The following ZNF141 variants were observed in gnomAD, a reference collection of about 807,000 sequenced individuals.
The protein encoded by ZNF141 is zinc finger protein 141, also known as zinc finger protein 141 (clone pHZ-44).
A neutral mutation model predicts 11.3 loss-of-function variants in ZNF141; 7 were observed. That is an observed-to-expected ratio of 0.62 (90% CI 0.35 to 1.16). The LOEUF (loss-of-function observed/expected upper bound fraction) is 1.16. Among genes scored for constraint, ZNF141 ranks in the 50% most tolerant of loss-of-function variants. The pLI is 0.02. For missense variants in ZNF141, 535 were observed against 554.0 expected (o/e 0.97, Z 0.34); for synonymous variants, 183 against 190.7 (o/e 0.96, Z 0.33).
chr4:343,598 A>G (rs958723656), intron 1 of ZNF141, among the ~76,000 whole-genome samples, 184 bp from the exon 2 acceptor site: 2 of 151,878 alleles, frequency 1.3e-5, no homozygotes, highest in African/African-American at 2.4e-5. Flanking sequence ...GGTGGCGGGC[A>G]CATGTAGTCC....
chr4:374,286 T>C lies in ZNF141; in HGVS notation c.*424T>C, dbSNP rs1712251035. 6.6e-6 allele frequency: 2 copies of C among 302,704 alleles called. No homozygotes were observed. Among genetic ancestry groups the C allele is most frequent in the Non-Finnish European group, 1.3e-5 (2 of 152,050 alleles). 18.8% of individuals were successfully genotyped at this position (302,704 alleles called of 1,614,324 possible). A position where few individuals can be genotyped will look rare whatever the true frequency, so the allele number is the denominator to read the frequency against. Reference sequence around the variant, plus strand: ...AATATAATTCATGCTGGAGAGAAACTTCACATGTGAACCGTGTGGCAAAGC... The same window carrying C: ...AATATAATTCATGCTGGAGAGAAACCTCACATGTGAACCGTGTGGCAAAGC... On this transcript the variant is annotated 3_prime_UTR_variant, in exon 4 of 4. Transcript: ENST00000240499.
chr4:341,124 G>A (rs1721029369), intron 1 of ZNF141, among the ~76,000 whole-genome samples: 1 of 151,382 alleles, frequency 6.6e-6, no homozygotes, highest in Non-Finnish European at 1.5e-5. Flanking sequence ...CTGGGGTGCA[G>A]TGGTGCGATC....
rs1473624023 is a variant in ZNF141 at position 376,868 on chromosome 4, G to A, written c.*3006G>A. 2.0e-5 allele frequency among the ~76,000 whole-genome samples: 3 copies of A among 151,988 alleles called. No individual in the cohort carries two copies. Among genetic ancestry groups the A allele is most frequent in the Non-Finnish European group, 4.4e-5 (3 of 67,932 alleles). The stretch of plus-strand genomic sequence containing the variant: ...TGACTCTAGAATCTAATGGATTGTC[G>A]TTGAGAATCTCCCCATACAAACTCC... On this transcript the variant is annotated 3_prime_UTR_variant, in exon 4 of 4. Transcript: ENST00000240499.
At chr4:369,304 A>G (rs782531281) in intron 3 of ZNF141, among the ~76,000 whole-genome samples, 32 of 152,126 alleles carry the variant, frequency 2.1e-4, no homozygotes, top group Non-Finnish European at 4.1e-4. Flanking sequence ...ATTTTATGAA[A>G]TAGAGTTTTT....
intron 3 of ZNF141, among the ~76,000 whole-genome samples, chr4:350,519 T>G (rs1721546186): frequency 6.6e-6 from 1 of 152,228 alleles, no homozygotes; most frequent in South Asian, 2.1e-4. Flanking sequence ...TTTCATTCAT[T>G]GAAGGATGTT....
Position 374,859 on chromosome 4 carries a change from G to C in ZNF141, c.*997G>C, listed in dbSNP as rs868993893. ...TTCACACTGAAGAGAAACTGCAAACGTGGAAAGTGTGACAAAGCTTGCAAC... is the reference window on the plus strand; with the variant it reads ...TTCACACTGAAGAGAAACTGCAAACCTGGAAAGTGTGACAAAGCTTGCAAC... On this transcript the variant is annotated 3_prime_UTR_variant, in exon 4 of 4. Coordinates refer to ENST00000240499, the MANE Select transcript of ZNF141 (RefSeq NM_003441.4). 2 of 152,448 alleles carry C rather than the reference G, an allele frequency of 1.3e-5. No individual in the cohort carries two copies. The highest frequency in any genetic ancestry group is 4.1e-4 in the South Asian group (2 of 4,836). 9.4% of individuals were successfully genotyped at this position (152,448 alleles called of 1,614,324 possible).
chr4:357,713 T>TC (rs1264768575), intron 3 of ZNF141, among the ~76,000 whole-genome samples: 1 of 147,900 alleles, frequency 6.8e-6, no homozygotes, highest in African/African-American at 2.5e-5. Flanking sequence ...TTTTCTTTTT[T>TC]TTTTTTTTTT....
intron 3 of ZNF141, among the ~76,000 whole-genome samples, chr4:369,764 A>ATGTTTTTTTTTTTTT: frequency 6.2e-5 from 3 of 48,736 alleles, no homozygotes; most frequent in Non-Finnish European, 9.2e-5. Context: ...ATATATATAT[A>ATGTTTTTTTTTTTTT]TTTTTTTTTT....
intron 3 of ZNF141, among the ~76,000 whole-genome samples, chr4:372,287 T>C (rs1712106234): frequency 6.6e-6 from 1 of 152,226 alleles, no homozygotes; most frequent in Non-Finnish European, 1.5e-5. Flanking sequence ...AGTAAGGATA[T>C]GTGTATCAGT....
chr4:373,976 A>G lies in ZNF141; in HGVS notation c.*114A>G. 1 of 938,550 alleles carries G rather than the reference A, an allele frequency of 1.1e-6. No individual in the cohort carries two copies. Among genetic ancestry groups the G allele is most frequent in the Non-Finnish European group, 1.6e-6 (1 of 609,878 alleles). The allele number at this position is 938,550 out of a possible 1,614,324, so 58.1% of individuals were successfully genotyped here. A position where few individuals can be genotyped will look rare whatever the true frequency, so the allele number is the denominator to read the frequency against. On this transcript the variant is annotated 3_prime_UTR_variant, in exon 4 of 4. Transcript: ENST00000240499. ...ACCCTGGAAATGTGAAGAACGTGGCAAAGTTCTTTACCTCATTCTCAAACC... is the reference window on the plus strand; with the variant it reads ...ACCCTGGAAATGTGAAGAACGTGGCGAAGTTCTTTACCTCATTCTCAAACC...
chr4:365,224 G>C lies in ZNF141; in HGVS notation c.227-7440G>C, dbSNP rs191973943. 5.9e-3 allele frequency among the ~76,000 whole-genome samples: 894 copies of C among 152,328 alleles called. 11 individuals carry two copies. The highest frequency in any genetic ancestry group is 0.019 in the African/African-American group (809 of 41,570). On this transcript the variant is annotated intron_variant, in intron 3 of 3. Coordinates refer to ENST00000240499, the MANE Select transcript of ZNF141 (RefSeq NM_003441.4). The stretch of plus-strand genomic sequence containing the variant: ...TTGGGCAGGAGATCCCGATTTTCCA[G>C]ATACAGTCTGTCACAGCTTCCCTTG...
rs1019361181 is a variant in ZNF141, at chr4:337,840, C to G, written c.-144C>G. The G allele has an allele frequency of 8.8e-5, 98 of 1,112,342 alleles. No homozygotes were observed. Among genetic ancestry groups the G allele is most frequent in the Non-Finnish European group, 1.2e-4 (90 of 749,034 alleles). 68.9% of individuals were successfully genotyped at this position (1,112,342 alleles called of 1,614,324 possible). A position where few individuals can be genotyped will look rare whatever the true frequency, so the allele number is the denominator to read the frequency against. On this transcript the variant is annotated 5_prime_UTR_variant, in exon 1 of 4. Coordinates refer to ENST00000240499, the MANE Select transcript of ZNF141 (RefSeq NM_003441.4). Reference sequence around the variant, plus strand: ...TCTTTGCGTCTGGCTACTACCAGACCGCGGGTTAGGGGCTTCATCTCTCTG... The same window carrying G: ...TCTTTGCGTCTGGCTACTACCAGACGGCGGGTTAGGGGCTTCATCTCTCTG...
chr4:357,460 G>T (rs1721897600), intron 3 of ZNF141, among the ~76,000 whole-genome samples: 2 of 150,486 alleles, frequency 1.3e-5, no homozygotes, highest in Non-Finnish European at 3.0e-5. Context: ...TTTGAATTCT[G>T]GCAGTTTAAT....
intron 3 of ZNF141, among the ~76,000 whole-genome samples, chr4:372,276 A>T (rs1712105924): frequency 1.3e-5 from 2 of 152,244 alleles, no homozygotes; most frequent in South Asian, 4.1e-4. Flanking sequence ...CAAAAGCCAG[A>T]AGTAAGGATA....
chr4:344,167 G>A (rs1314704874), intron 2 of ZNF141, among the ~76,000 whole-genome samples, 168 bp from the exon 3 acceptor site: 2 of 152,010 alleles, frequency 1.3e-5, no homozygotes, highest in Non-Finnish European at 2.9e-5. Flanking sequence ...CTTAGAACCC[G>A]CAGATTTAAA....
chr4:365,407 G>A (rs964977189), intron 3 of ZNF141, among the ~76,000 whole-genome samples: 10 of 152,230 alleles, frequency 6.6e-5, no homozygotes, highest in African/African-American at 9.6e-5. Flanking sequence ...GAAATCACCC[G>A]TCTTTTACGT....
intron 3 of ZNF141, among the ~76,000 whole-genome samples, chr4:368,521 C>A (rs1711861119): frequency 6.6e-6 from 1 of 152,174 alleles, no homozygotes; most frequent in Non-Finnish European, 1.5e-5. Context: ...GGATTACAGG[C>A]ATGAGCCACC....
chr4:351,612 G>GT (rs201685582), intron 3 of ZNF141, among the ~76,000 whole-genome samples: 1 of 152,168 alleles, frequency 6.6e-6, no homozygotes, highest in East Asian at 1.9e-4. Context: ...TAAGCACTGA[G>GT]TTTGAGGCAT....
intron 3 of ZNF141, among the ~76,000 whole-genome samples, chr4:347,878 T>C (rs1301186121): frequency 6.6e-5 from 10 of 152,122 alleles, no homozygotes; most frequent in African/African-American, 2.4e-4. Flanking sequence ...AGACAGAATT[T>C]CTGTCGCCCG....
Sources: gnomAD v4.1 joint callset for allele counts (sites outside exome capture counted in the v4.1 genomes callset) on GRCh38, gnomAD v4.1.1 for gene constraint, MANE v1.5 for transcripts, NCBI Gene and HGNC (gene_info 2026-07-23, HGNC 2026-07-21) for gene names.